The following PHF20 variants were observed in gnomAD, a reference collection of about 807,000 sequenced individuals.
PHF20 encodes the protein glioma-expressed antigen 2.
A neutral mutation model predicts 113.5 loss-of-function variants in PHF20; 23 were observed. The observed-to-expected ratio is 0.20, with a 90% CI of 0.15 to 0.29. The LOEUF is 0.29. Ranked by LOEUF, PHF20 falls within the 10% of genes least tolerant of loss-of-function variation. The pLI, the probability that PHF20 is intolerant of heterozygous loss-of-function variation, is 1.00. For synonymous variants in PHF20, 434 were observed against 457.3 expected (o/e 0.95, Z 0.65); for missense variants, 943 against 1,219.6 (o/e 0.77, Z 3.38).
intron 9 of PHF20, among the ~76,000 whole-genome samples, chr20:35,897,559 C>CTTT (rs150122625): frequency 8.2e-4 from 88 of 107,670 alleles, no homozygotes; most frequent in Non-Finnish European, 9.9e-4. Flanking sequence ...TTCTGGATCC[C>CTTT]TTTTTTTTTT....
chr20:35,778,406 C>G (rs1040829580), intron 1 of PHF20, among the ~76,000 whole-genome samples: 1 of 152,126 alleles, frequency 6.6e-6, no homozygotes, highest in Non-Finnish European at 1.5e-5. Flanking sequence ...TTTGTCTAAT[C>G]CATCTTTGCC....
chr20:35,885,149 T>G (rs1388397566), intron 9 of PHF20, among the ~76,000 whole-genome samples: 1 of 152,168 alleles, frequency 6.6e-6, no homozygotes, highest in African/African-American at 2.4e-5. Flanking sequence ...CCAGATTTTT[T>G]AATGTAGTTT....
At chr20:35,792,795 AT>A (rs1221295653) in intron 1 of PHF20, among the ~76,000 whole-genome samples, 2 of 152,088 alleles carry the variant, frequency 1.3e-5, no homozygotes, top group African/African-American at 4.8e-5. Context: ...CACCAGTACC[AT>A]TTAGAGTTTG....
intron 2 of PHF20, among the ~76,000 whole-genome samples, chr20:35,803,593 G>A (rs1485723882): frequency 6.6e-6 from 1 of 151,590 alleles, no homozygotes; most frequent in Non-Finnish European, 1.5e-5. Context: ...CCAAAGTGCT[G>A]GGATTACAGG....
chr20:35,826,630 G>C (rs1175595366), intron 2 of PHF20, among the ~76,000 whole-genome samples: 1 of 152,212 alleles, frequency 6.6e-6, no homozygotes, highest in African/African-American at 2.4e-5. Context: ...TGAGAATCCA[G>C]GGAGGTAACA....
At chr20:35,855,339 T>A in intron 4 of PHF20, 1 of 880,326 alleles carries the variant, frequency 1.1e-6, no homozygotes, top group Admixed American at 2.1e-5. Context: ...GATAATTGTT[T>A]ATGCTCTTAT....
intron 9 of PHF20, among the ~76,000 whole-genome samples, chr20:35,889,338 C>T (rs6060661): frequency 4.6e-5 from 7 of 151,586 alleles, no homozygotes; most frequent in East Asian, 1.9e-4. Flanking sequence ...CTATTTTGCT[C>T]GTAATATTTT....
At chr20:35,774,198 T>G (rs1043865100) in intron 1 of PHF20, among the ~76,000 whole-genome samples, 1 of 151,842 alleles carries the variant, frequency 6.6e-6, no homozygotes, top group African/African-American at 2.4e-5. Flanking sequence ...TTCTCCTGCC[T>G]CAGCCTCCCG....
chr20:35,923,371 C>T (rs913328780), intron 13 of PHF20, among the ~76,000 whole-genome samples: 1 of 152,058 alleles, frequency 6.6e-6, no homozygotes, highest in South Asian at 2.1e-4. Context: ...AAGGCTGAAG[C>T]GGAAGGATCA....
chr20:35,772,479 G>C (rs2041080620), intron 1 of PHF20, among the ~76,000 whole-genome samples: 1 of 152,180 alleles, frequency 6.6e-6, no homozygotes, highest in Non-Finnish European at 1.5e-5. Context: ...ATTGCCTTGC[G>C]CTTTGGGAAT....
intron 1 of PHF20, among the ~76,000 whole-genome samples, chr20:35,791,350 A>G (rs1374758172): frequency 6.6e-6 from 1 of 151,730 alleles, no homozygotes; most frequent in Non-Finnish European, 1.5e-5. Flanking sequence ...TCACATCCAT[A>G]AAATGGGAAT....
chr20:35,812,443 T>C (rs556580399), intron 2 of PHF20, among the ~76,000 whole-genome samples: 1 of 152,312 alleles, frequency 6.6e-6, no homozygotes, highest in South Asian at 2.1e-4. Flanking sequence ...ATTTTTCCCC[T>C]TCACAACATT....
intron 2 of PHF20, among the ~76,000 whole-genome samples, chr20:35,841,291 C>T (rs539671807): frequency 1.3e-5 from 2 of 151,886 alleles, no homozygotes; most frequent in South Asian, 2.1e-4. Flanking sequence ...TGCAGTGAGC[C>T]GAGATCACGC....
intron 5 of PHF20, 47 bp from the exon 6 acceptor site, chr20:35,862,966 T>A (rs1439558558): frequency 2.0e-6 from 3 of 1,509,094 alleles, no homozygotes; most frequent in African/African-American, 1.4e-5. Context: ...TAATTTTGTA[T>A]TTGCAAGTAA....
intron 1 of PHF20, among the ~76,000 whole-genome samples, chr20:35,783,844 A>T (rs1367637313): frequency 3.3e-5 from 5 of 151,784 alleles, no homozygotes; most frequent in African/African-American, 1.2e-4. Flanking sequence ...TTAGCCGGGC[A>T]TGGTGGCACA....
At chr20:35,873,466 G>GTTTTTTTTTTTTTTTTTTT (rs759056358) in intron 9 of PHF20, among the ~76,000 whole-genome samples, 1 of 82,364 alleles carries the variant, frequency 1.2e-5, no homozygotes, top group African/African-American at 5.0e-5. Context: ...CTGTTTTTTT[G>GTTTTTTTTTTTTTTTTTTT]TTTTTTTTTT....
chr20:35,905,690 C>T (rs1241216180), intron 10 of PHF20, among the ~76,000 whole-genome samples: 1 of 152,170 alleles, frequency 6.6e-6, no homozygotes, highest in Non-Finnish European at 1.5e-5. Flanking sequence ...CAGACTAACC[C>T]ACGCCTTAAG....
chr20:35,901,810 A>C (rs1029163900), intron 10 of PHF20, among the ~76,000 whole-genome samples: 36 of 152,234 alleles, frequency 2.4e-4, no homozygotes. Flanking sequence ...TCTGCAAAGC[A>C]TAAGTTTTGG....
intron 2 of PHF20, 100 bp from the exon 3 acceptor site, chr20:35,842,473 C>G: frequency 9.4e-7 from 1 of 1,068,192 alleles, no homozygotes; most frequent in South Asian, 1.5e-5. Flanking sequence ...GGCCTGGTAA[C>G]CTTCTCCTTT....
Sources: allele counts gnomAD v4.1 joint callset (sites outside exome capture counted in the v4.1 genomes callset), GRCh38; gene constraint gnomAD v4.1.1; transcripts MANE v1.5; gene names NCBI Gene and HGNC (gene_info 2026-07-23, HGNC 2026-07-21).